NEK5: variants seen among roughly 807,000 people sequenced by gnomAD.
NEK5 encodes serine/threonine-protein kinase Nek5.
Under a neutral mutation model 109.2 loss-of-function variants are expected in NEK5, and 88 were observed. The ratio of observed to expected loss-of-function variants is 0.81; its 90% CI spans 0.68 to 0.96. NEK5 has a LOEUF of 0.96. Among genes scored for constraint, NEK5 ranks in the 40% least tolerant of loss-of-function variants. The pLI, the probability that NEK5 is intolerant of heterozygous loss-of-function variation, is 0.00. For missense variants in NEK5, 834 were observed against 920.7 expected, an observed-to-expected ratio of 0.91 and a Z score of 1.22; for synonymous variants, 283 against 299.9, an observed-to-expected ratio of 0.94 and a Z score of 0.58.
chr13:52,045,382 G>A (rs1214384005), intron 23 of NEK5, among the ~76,000 whole-genome samples: 5 of 149,526 alleles, frequency 3.3e-5, no homozygotes, highest in Admixed American at 1.3e-4. Context: ...TGCCCTCCTC[G>A]GCCTCCCAAA....
At chr13:52,063,834 C>T (rs1335931025) in intron 21 of NEK5, among the ~76,000 whole-genome samples, 14 of 151,876 alleles carry the variant, frequency 9.2e-5, no homozygotes, top group Non-Finnish European at 1.5e-4. Context: ...CCCCTTCGCC[C>T]GGCAGCCACC....
At chr13:52,120,196 C>T (rs1463834228) in intron 3 of NEK5, among the ~76,000 whole-genome samples, 1 of 152,134 alleles carries the variant, frequency 6.6e-6, no homozygotes, top group Non-Finnish European at 1.5e-5. Context: ...ATTCTAGCTT[C>T]CCTACATCTC....
intron 8 of NEK5, among the ~76,000 whole-genome samples, chr13:52,104,995 T>A (rs1029656960): frequency 2.0e-5 from 3 of 152,230 alleles, no homozygotes; most frequent in Non-Finnish European, 4.4e-5. Context: ...AGTATCTGAT[T>A]CTCAATAAAC....
intron 23 of NEK5, among the ~76,000 whole-genome samples, chr13:52,044,729 C>T (rs957909388): frequency 2.0e-5 from 3 of 152,116 alleles, no homozygotes; most frequent in Admixed American, 6.6e-5. Flanking sequence ...TGTTATCTAA[C>T]GAAGTGCCTC....
chr13:52,099,738 C>G lies in NEK5; in HGVS notation c.1026+5G>C. ...AAACACAAAGGAGGGTTTAGAATGACTTACAGATCTGGCCTTCTGGGCTCC... is the reference window on the plus strand; with the variant it reads ...AAACACAAAGGAGGGTTTAGAATGAGTTACAGATCTGGCCTTCTGGGCTCC... On this transcript the variant is annotated splice_donor_5th_base_variant and intron_variant, in intron 12 of 23. Transcript: ENST00000684899. 1 of 1,612,450 alleles carries G rather than the reference C, an allele frequency of 6.2e-7. No homozygotes were observed. The highest frequency in any genetic ancestry group is 8.5e-7 in the Non-Finnish European group (1 of 1,179,430).
At chr13:52,058,114 C>T (rs1269721280) in intron 22 of NEK5, among the ~76,000 whole-genome samples, 4 of 148,642 alleles carry the variant, frequency 2.7e-5, no homozygotes, top group East Asian at 2.0e-4. Context: ...TCTCAGGATA[C>T]AAAATCAATG....
At chr13:52,050,762 C>T (rs2140911533) in intron 22 of NEK5, among the ~76,000 whole-genome samples, 1 of 150,108 alleles carries the variant, frequency 6.7e-6, no homozygotes, top group South Asian at 2.1e-4. Flanking sequence ...CTTTGTCACC[C>T]AGGCTGGAGT....
chr13:52,038,161 C>T (rs2140873985), intron 23 of NEK5, among the ~76,000 whole-genome samples: 1 of 146,334 alleles, frequency 6.8e-6, no homozygotes, highest in African/African-American at 2.5e-5. Flanking sequence ...CCCTTCTCTA[C>T]TAAAAATACA....
At chr13:52,115,108 G>A (rs1337920338) in intron 4 of NEK5, among the ~76,000 whole-genome samples, 3 of 151,500 alleles carry the variant, frequency 2.0e-5, no homozygotes, top group Non-Finnish European at 4.4e-5. Context: ...CGCCTCCTGG[G>A]TTCACGCCAT....
intron 20 of NEK5, among the ~76,000 whole-genome samples, chr13:52,070,848 C>T (rs1053662682): frequency 1.3e-5 from 2 of 152,214 alleles, no homozygotes; most frequent in Non-Finnish European, 2.9e-5. Context: ...TTAATTTAGG[C>T]ACCTAGTATG....
chr13:52,108,629 T>G (rs1955699717), intron 7 of NEK5, among the ~76,000 whole-genome samples: 1 of 152,194 alleles, frequency 6.6e-6, no homozygotes, highest in South Asian at 2.1e-4. Flanking sequence ...AAATATATTT[T>G]TTATGGCTTA....
At chr13:52,113,705 T>C (rs1252303312) in intron 4 of NEK5, among the ~76,000 whole-genome samples, 1 of 152,140 alleles carries the variant, frequency 6.6e-6, no homozygotes, top group African/African-American at 2.4e-5. Context: ...GTCTGTATAA[T>C]TGCTAGGATC....
At chr13:52,067,267 T>C (rs1030513708) in intron 20 of NEK5, among the ~76,000 whole-genome samples, 8 of 152,130 alleles carry the variant, frequency 5.3e-5, no homozygotes, top group African/African-American at 1.9e-4. Context: ...GTGGTTTTGA[T>C]TGAAATAGCC....
intron 15 of NEK5, 112 bp downstream of exon 15, chr13:52,087,226 T>C (rs1315139942): frequency 3.3e-6 from 2 of 611,208 alleles, no homozygotes; most frequent in Non-Finnish European, 5.9e-6. Flanking sequence ...CTCAGCATGG[T>C]GTTGACATAT....
intron 9 of NEK5, among the ~76,000 whole-genome samples, chr13:52,102,711 A>C (rs752063906): frequency 2.6e-5 from 4 of 152,204 alleles, no homozygotes; most frequent in Non-Finnish European, 5.9e-5. Flanking sequence ...AATAAAAAAG[A>C]AGCACTGTGG....
At chr13:52,109,745 T>G (rs1377157895) in intron 7 of NEK5, among the ~76,000 whole-genome samples, 2 of 152,188 alleles carry the variant, frequency 1.3e-5, no homozygotes, top group African/African-American at 4.8e-5. Flanking sequence ...GGTCTTCAGA[T>G]AGACTCTTTC....
intron 8 of NEK5, among the ~76,000 whole-genome samples, chr13:52,107,644 C>G (rs1212831680): frequency 6.0e-5 from 9 of 150,210 alleles, no homozygotes; most frequent in Non-Finnish European, 8.9e-5. Context: ...TGTAATGTAA[C>G]AAAAGCCCAC....
chr13:52,111,412 A>C (rs1445610118), intron 5 of NEK5, among the ~76,000 whole-genome samples: 1 of 152,220 alleles, frequency 6.6e-6, no homozygotes, highest in East Asian at 1.9e-4. Context: ...AGTTTCTATC[A>C]ATATGGAATT....
intron 4 of NEK5, among the ~76,000 whole-genome samples, chr13:52,113,304 T>G (rs953881717): frequency 2.0e-5 from 3 of 152,178 alleles, no homozygotes; most frequent in Admixed American, 2.0e-4. Context: ...CTATAGTCAG[T>G]GGACTCATAA....
Sources: allele counts gnomAD v4.1 joint callset (sites outside exome capture counted in the v4.1 genomes callset), GRCh38; gene constraint gnomAD v4.1.1; transcripts MANE v1.5; gene names NCBI Gene and HGNC (gene_info 2026-07-23, HGNC 2026-07-21).